Variants in WDR72 observed in about 807,000 individuals in gnomAD.
The protein encoded by WDR72 is WD repeat domain 72, also known as WD repeat-containing protein 72.
WDR72 carries 120 observed loss-of-function variants against 124.2 expected under a neutral mutation model. The observed-to-expected ratio is 0.97, with a 90% confidence interval of 0.83 to 1.12. The LOEUF is 1.12. WDR72 is among the 50% of genes most tolerant of loss of function. The pLI is 0.00. For synonymous variants in WDR72, 452 were observed against 441.7 expected, an observed-to-expected ratio of 1.02 and a Z score of -0.29; for missense variants, 1,387 against 1,278.8, an observed-to-expected ratio of 1.08 and a Z score of -1.29.
chr15:53,671,585 T>A (rs2015990767), intron 13 of WDR72, among the ~76,000 whole-genome samples: 1 of 152,202 alleles, frequency 6.6e-6, no homozygotes, highest in Admixed American at 6.5e-5. Flanking sequence ...CTATAAAGCA[T>A]CAGAGCATAT....
chr15:53,639,580 A>AATTATATATAATTTTAT (rs1440583728), intron 14 of WDR72, among the ~76,000 whole-genome samples: 3 of 141,192 alleles, frequency 2.1e-5, no homozygotes, highest in Non-Finnish European at 3.1e-5. Flanking sequence ...AATGTTATAA[A>AATTATATATAATTTTAT]TTAAAAATTA....
At chr15:53,669,347 C>T (rs555932238) in intron 13 of WDR72, among the ~76,000 whole-genome samples, 40 of 152,224 alleles carry the variant, frequency 2.6e-4, no homozygotes, top group Non-Finnish European at 5.0e-4. Flanking sequence ...TATAACCATA[C>T]CCTCTCTAGC....
intron 14 of WDR72, among the ~76,000 whole-genome samples, chr15:53,619,280 G>GTGTGTC (rs976804621): frequency 5.3e-5 from 8 of 151,586 alleles, no homozygotes; most frequent in Admixed American, 2.0e-4. Flanking sequence ...GTGTGTGTGT[G>GTGTGTC]TGTGTGTGTG....
At chr15:53,651,262 C>T (rs1223325229) in intron 14 of WDR72, among the ~76,000 whole-genome samples, 1 of 152,126 alleles carries the variant, frequency 6.6e-6, no homozygotes, top group African/African-American at 2.4e-5. Flanking sequence ...AGTATAAATC[C>T]TACCTCCTTC....
At chr15:53,699,717 AT>A (rs781078128) in intron 13 of WDR72, 32 bp downstream of exon 13, 1 of 1,604,860 alleles carries the variant, frequency 6.2e-7, no homozygotes, top group African/African-American at 1.3e-5. Context: ...TCATAAATAT[AT>A]AAAGAATGAA....
At chr15:53,561,833 T>A (rs1258268033) in intron 18 of WDR72, among the ~76,000 whole-genome samples, 1 of 151,834 alleles carries the variant, frequency 6.6e-6, no homozygotes, top group Non-Finnish European at 1.5e-5. Context: ...CAACCACTGA[T>A]ATTTTTTAAA....
intron 13 of WDR72, among the ~76,000 whole-genome samples, chr15:53,697,878 C>G (rs6493642): frequency 0.59 from 89,713 of 151,892 alleles, 27,314 homozygotes; most frequent in East Asian, 0.83. Context: ...GCGCGATCTC[C>G]GCTCACTGCA....
chr15:53,576,498 G>C (rs1307672673), intron 18 of WDR72, among the ~76,000 whole-genome samples: 1 of 152,100 alleles, frequency 6.6e-6, no homozygotes, highest in Non-Finnish European at 1.5e-5. Flanking sequence ...TGTACTCCTT[G>C]TGTCTTATTC....
chr15:53,638,580 C>CTTTT (rs3081298), intron 14 of WDR72, among the ~76,000 whole-genome samples: 16 of 125,848 alleles, frequency 1.3e-4, no homozygotes, highest in African/African-American at 2.7e-4. Flanking sequence ...TAATCACATT[C>CTTTT]TTTTTTTTTT....
chr15:53,589,497 G>A (rs1186366517), intron 18 of WDR72, among the ~76,000 whole-genome samples: 2 of 151,870 alleles, frequency 1.3e-5, no homozygotes, highest in African/African-American at 2.4e-5. Flanking sequence ...TAGGTGATGG[G>A]AGGAAAAAAG....
At chr15:53,625,816 A>T (rs1484569005) in intron 14 of WDR72, among the ~76,000 whole-genome samples, 2 of 152,160 alleles carry the variant, frequency 1.3e-5, no homozygotes, top group East Asian at 3.9e-4. Context: ...AAAAAATGTA[A>T]TAGGTGTGAA....
intron 18 of WDR72, 79 bp from the exon 19 acceptor site, chr15:53,523,401 T>C: frequency 7.6e-7 from 1 of 1,316,382 alleles, no homozygotes; most frequent in Non-Finnish European, 1.1e-6. Flanking sequence ...TTAAAACATT[T>C]CCTTTCAGTT....
chr15:53,594,923 G>A (rs908949020), intron 18 of WDR72, among the ~76,000 whole-genome samples: 12 of 151,556 alleles, frequency 7.9e-5, no homozygotes, highest in African/African-American at 2.7e-4. Context: ...AAAAGAAAAA[G>A]ACAATATTAA....
At chr15:53,549,932 G>A (rs1346470314) in intron 18 of WDR72, among the ~76,000 whole-genome samples, 1 of 152,162 alleles carries the variant, frequency 6.6e-6, no homozygotes, top group African/African-American at 2.4e-5. Context: ...TTGCCCATCT[G>A]TGCTTATTTG....
chr15:53,750,176 G>C (rs1477738166), intron 1 of WDR72, among the ~76,000 whole-genome samples: 1 of 152,186 alleles, frequency 6.6e-6, no homozygotes, highest in African/African-American at 2.4e-5. Context: ...TGGCTTCAAA[G>C]CTTCAAAGGA....
intron 1 of WDR72, among the ~76,000 whole-genome samples, chr15:53,746,707 C>T (rs2018652301): frequency 6.6e-6 from 1 of 152,010 alleles, no homozygotes; most frequent in Non-Finnish European, 1.5e-5. Context: ...GAAAACATAC[C>T]TTGGTCATCT....
chr15:53,578,474 A>C (rs1016529618), intron 18 of WDR72, among the ~76,000 whole-genome samples: 1 of 152,112 alleles, frequency 6.6e-6, no homozygotes, highest in East Asian at 1.9e-4. Flanking sequence ...AAGGTACTGA[A>C]AACATTTAAA....
chr15:53,621,803 TA>T (rs1198039732), intron 14 of WDR72, among the ~76,000 whole-genome samples: 1 of 151,778 alleles, frequency 6.6e-6, no homozygotes, highest in African/African-American at 2.4e-5. Flanking sequence ...AAACATTTTT[TA>T]AAAAAAGAAA....
intron 18 of WDR72, among the ~76,000 whole-genome samples, chr15:53,525,280 T>C (rs1459474628): frequency 1.3e-5 from 2 of 152,098 alleles, no homozygotes; most frequent in African/African-American, 2.4e-5. Context: ...TATCTCTATA[T>C]ATCTTTCTTG....
Sources: allele counts gnomAD v4.1 joint callset (sites outside exome capture counted in the v4.1 genomes callset), GRCh38; gene constraint gnomAD v4.1.1; transcripts MANE v1.5; gene names NCBI Gene and HGNC (gene_info 2026-07-23, HGNC 2026-07-21).